Variants in FAM210A observed in about 807,000 individuals in gnomAD.
FAM210A encodes the protein mitochondrial inner membrane scaffold 1, also known as family with sequence similarity 210 member A.
Under a neutral mutation model 25.3 loss-of-function variants are expected in FAM210A, and 13 were observed. The ratio of observed to expected loss-of-function variants is 0.51; its 90% CI spans 0.33 to 0.82. The LOEUF (loss-of-function observed/expected upper bound fraction) is 0.82. Among genes scored for constraint, FAM210A ranks in the 40% least tolerant of loss-of-function variants. The probability of loss-of-function intolerance (pLI) is 0.02; values close to 1 mark genes in which losing one functional copy is unlikely to be tolerated. For synonymous variants in FAM210A, 125 were observed against 118.7 expected, an observed-to-expected ratio of 1.05 and a Z score of -0.35; for missense variants, 319 against 323.2, an observed-to-expected ratio of 0.99 and a Z score of 0.10.
intron 1 of FAM210A, among the ~76,000 whole-genome samples, chr18:13,714,709 T>C (rs1325525809): frequency 6.6e-6 from 1 of 152,218 alleles, no homozygotes; most frequent in African/African-American, 2.4e-5. Context: ...CCTGGATTAC[T>C]GCTTTCTGTA....
In FAM210A at chr18:13,666,607, T is replaced by A. The variant is rs1201191640; in HGVS notation, c.692A>T (p.Tyr231Phe). ...TGTCTCTTCCATCCTGTCCTGCAGA[T>A]ACTCCTTGACGGGTGGCGGCGTGGA... is the stretch of plus-strand genomic sequence containing the variant. Reference protein sequence around the residue: ...YMSTPPPVKEYLQDRMEETKE... With the variant: ...YMSTPPPVKEFLQDRMEETKE... The change falls in exon 4 of 4, where the codon TAT becomes TTT. Residue 231 changes from tyrosine (Y) to phenylalanine (F), a missense_variant. Transcript: ENST00000651643. 11 of 1,614,214 alleles carry A rather than the reference T, an allele frequency of 6.8e-6. No homozygotes were observed. The highest frequency in any genetic ancestry group is 9.3e-6 in the Non-Finnish European group (11 of 1,180,036).
At chr18:13,700,370 A>G (rs2043729408) in intron 1 of FAM210A, among the ~76,000 whole-genome samples, 1 of 152,186 alleles carries the variant, frequency 6.6e-6, no homozygotes. Context: ...TGAGAGTCAC[A>G]TAGCATGCTG....
chr18:13,688,111 T>G (rs1456987931), intron 1 of FAM210A, among the ~76,000 whole-genome samples: 1 of 152,108 alleles, frequency 6.6e-6, no homozygotes, highest in Non-Finnish European at 1.5e-5. Flanking sequence ...AAGATGAGAT[T>G]AATTATTCTG....
chr18:13,700,247 CT>C (rs2043728276), intron 1 of FAM210A, among the ~76,000 whole-genome samples: 1 of 152,258 alleles, frequency 6.6e-6, no homozygotes, highest in Admixed American at 6.5e-5. Context: ...TTTGATAACC[CT>C]TCCATTGGAG....
intron 1 of FAM210A, among the ~76,000 whole-genome samples, chr18:13,691,007 A>G (rs1353043543): frequency 6.6e-6 from 1 of 152,230 alleles, no homozygotes; most frequent in Non-Finnish European, 1.5e-5. Context: ...AAAAACCTTG[A>G]AAAAAGATTA....
intron 1 of FAM210A, among the ~76,000 whole-genome samples, chr18:13,685,677 A>G (rs775045769): frequency 1.6e-4 from 24 of 152,302 alleles, no homozygotes; most frequent in Middle Eastern, 3.4e-3. Context: ...TATACCCTAC[A>G]TATACTGACT....
rs745561931 is a variant in FAM210A at position 13,682,058 on chromosome 18, C to T, written c.20G>A (p.Arg7Gln). 13 of 1,600,014 alleles carry T rather than the reference C, an allele frequency of 8.1e-6. No individual in the cohort carries two copies. The highest frequency in any genetic ancestry group is 1.3e-5 in the African/African-American group (1 of 74,404). The change falls in exon 2 of 4, where the codon CGG becomes CAG. Residue 7 changes from arginine (R) to glutamine (Q), a missense_variant. By Grantham distance (43) the Arg-to-Gln change is conservative (BLOSUM62 1). Transcript: ENST00000651643. MQWNVP[R>Q]TVSRLARRTC... ...CCTGCGTGCCAGTCGAGATACAGTCCGTGGTACATTCCATTGCATTTTGAA... is the reference window on the plus strand; with the variant it reads ...CCTGCGTGCCAGTCGAGATACAGTCTGTGGTACATTCCATTGCATTTTGAA...
At chr18:13,716,240 A>T (rs2043860637) in intron 1 of FAM210A, among the ~76,000 whole-genome samples, 1 of 152,208 alleles carries the variant, frequency 6.6e-6, no homozygotes, top group Non-Finnish European at 1.5e-5. Flanking sequence ...CTGGTTAGAT[A>T]AGGTAATGGA....
rs2043380262 is a variant in FAM210A at position 13,663,975 on chromosome 18, T to C, written c.*2505A>G. On this transcript the variant is annotated 3_prime_UTR_variant, in exon 4 of 4. Coordinates refer to ENST00000651643, the MANE Select transcript of FAM210A (RefSeq NM_152352.4). ...CTATTATACATAGCAAACTATACTGTATATATTCTCAATTATTTAACTTGG... is the reference window on the plus strand; with the variant it reads ...CTATTATACATAGCAAACTATACTGCATATATTCTCAATTATTTAACTTGG... 1 of 152,240 alleles carries C rather than the reference T, an allele frequency of 6.6e-6. No homozygotes were observed. Among genetic ancestry groups the C allele is most frequent in the African/African-American group, 2.4e-5 (1 of 41,460 alleles). 9.4% of individuals were successfully genotyped at this position (152,240 alleles called of 1,614,324 possible).
chr18:13,686,365 C>T (rs957788944), intron 1 of FAM210A, among the ~76,000 whole-genome samples: 2 of 152,150 alleles, frequency 1.3e-5, no homozygotes, highest in Non-Finnish European at 1.5e-5. Flanking sequence ...ATGAATTAAC[C>T]TAATAATGCT....
chr18:13,720,701 T>A (rs371739702), intron 1 of FAM210A, among the ~76,000 whole-genome samples: 4,438 of 152,272 alleles, frequency 0.029, 77 homozygotes, highest in Middle Eastern at 0.061. Flanking sequence ...AGGGTCTCTA[T>A]TTGTTTGCTA....
intron 1 of FAM210A, among the ~76,000 whole-genome samples, chr18:13,703,382 G>T (rs1353631453): frequency 6.6e-6 from 1 of 152,318 alleles, no homozygotes; most frequent in Non-Finnish European, 1.5e-5. Flanking sequence ...TAGGGGGTGG[G>T]CTAATTACAA....
chr18:13,676,130 T>C (rs1255464262), intron 2 of FAM210A, among the ~76,000 whole-genome samples: 1 of 142,866 alleles, frequency 7.0e-6, no homozygotes, highest in Non-Finnish European at 1.6e-5. Flanking sequence ...CCTGACCTCT[T>C]TATTTCCAGT....
intron 1 of FAM210A, among the ~76,000 whole-genome samples, chr18:13,703,307 G>A (rs62084848): frequency 2.6e-5 from 4 of 152,098 alleles, no homozygotes; most frequent in Non-Finnish European, 4.4e-5. Flanking sequence ...GATCAGAGAA[G>A]CATGCTTTGG....
At chr18:13,706,888 C>T (rs1555791170) in intron 1 of FAM210A, among the ~76,000 whole-genome samples, 1 of 152,186 alleles carries the variant, frequency 6.6e-6, no homozygotes, top group Non-Finnish European at 1.5e-5. Context: ...AGCCAGTAGA[C>T]TCTTCATTTA....
chr18:13,723,355 T>C (rs918444074), intron 1 of FAM210A, among the ~76,000 whole-genome samples: 1 of 152,140 alleles, frequency 6.6e-6, no homozygotes, highest in Non-Finnish European at 1.5e-5. Flanking sequence ...ACAGAACTGA[T>C]AGGAAAAAAT....
chr18:13,671,714 C>CT, intron 3 of FAM210A, 148 bp downstream of exon 3: 1 of 373,326 alleles, frequency 2.7e-6, no homozygotes, highest in Non-Finnish European at 4.9e-6. Flanking sequence ...AAAAAATTAT[C>CT]TTACATTATT....
At chr18:13,681,543 C>A in intron 2 of FAM210A, 62 bp downstream of exon 2, 2 of 1,300,054 alleles carry the variant, frequency 1.5e-6, no homozygotes, top group South Asian at 1.5e-5. Context: ...ATCATTAGTA[C>A]AATTAAAAAG....
At chr18:13,691,836 T>A (rs12963017) in intron 1 of FAM210A, among the ~76,000 whole-genome samples, 13,816 of 20,842 alleles carry the variant, frequency 0.66, 5,508 homozygotes, top group East Asian at 0.86. Context: ...AGGAAGAAAC[T>A]GCATCAACTA....
Sources: gnomAD v4.1 joint callset for allele counts (sites outside exome capture counted in the v4.1 genomes callset) on GRCh38, gnomAD v4.1.1 for gene constraint, MANE v1.5 for transcripts, NCBI Gene and HGNC (gene_info 2026-07-23, HGNC 2026-07-21) for gene names.